Variants in MYT1L observed in about 807,000 individuals in gnomAD.
The protein encoded by MYT1L is myelin transcription factor 1-like protein.
A neutral mutation model predicts 126.7 loss-of-function variants in MYT1L; 12 were observed. That is an observed-to-expected ratio of 0.09 (90% CI 0.06 to 0.15). The LOEUF (loss-of-function observed/expected upper bound fraction) is 0.15. Among genes scored for constraint, MYT1L ranks in the 10% least tolerant of loss-of-function variants. The probability of loss-of-function intolerance (pLI) is 1.00; values close to 1 mark genes in which losing one functional copy is unlikely to be tolerated. For missense variants in MYT1L, 979 were observed against 1,585.2 expected (o/e 0.62, Z 6.49); for synonymous variants, 541 against 604.2 (o/e 0.90, Z 1.53).
intron 3 of MYT1L, among the ~76,000 whole-genome samples, chr2:2,144,889 T>C (rs190503030): frequency 1.7e-3 from 255 of 152,310 alleles, no homozygotes; most frequent in African/African-American, 5.7e-3. Flanking sequence ...TCAAAGAATA[T>C]TGCAGTGAAT....
intron 4 of MYT1L, among the ~76,000 whole-genome samples, chr2:2,001,963 C>G (rs1323454962): frequency 6.6e-6 from 1 of 152,084 alleles, no homozygotes; most frequent in Non-Finnish European, 1.5e-5. Context: ...AGGTTTTAAC[C>G]CTGCTCCACG....
At chr2:1,869,465 CTG>C (rs2046007433) in intron 18 of MYT1L, among the ~76,000 whole-genome samples, 2 of 152,254 alleles carry the variant, frequency 1.3e-5, no homozygotes, top group Admixed American at 6.5e-5. Context: ...GTGCGTGAGC[CTG>C]TGTGTGTGCC....
At chr2:2,162,929 T>C (rs1409728183) in intron 3 of MYT1L, among the ~76,000 whole-genome samples, 1 of 152,208 alleles carries the variant, frequency 6.6e-6, no homozygotes, top group Non-Finnish European at 1.5e-5. Context: ...CCTCTTGATC[T>C]GTAACCCCGT....
intron 4 of MYT1L, among the ~76,000 whole-genome samples, chr2:2,012,969 C>T (rs898789399): frequency 6.6e-6 from 1 of 151,998 alleles, no homozygotes; most frequent in African/African-American, 2.4e-5. Context: ...TAAACTTTAC[C>T]GCAAATATGT....
At chr2:1,829,669 A>G (rs74169685) in intron 21 of MYT1L, among the ~76,000 whole-genome samples, 37 of 118,264 alleles carry the variant, frequency 3.1e-4, no homozygotes, top group Admixed American at 6.3e-4. Flanking sequence ...ACCCTCCCAT[A>G]CACCTGTGAA....
At chr2:1,833,155 T>G (rs2040411639) in intron 21 of MYT1L, among the ~76,000 whole-genome samples, 1 of 152,140 alleles carries the variant, frequency 6.6e-6, no homozygotes, top group South Asian at 2.1e-4. Context: ...AAAGCCAGTG[T>G]CCCCCACAGT....
At chr2:1,956,828 C>CA (rs74164548) in intron 8 of MYT1L, among the ~76,000 whole-genome samples, 5,853 of 146,184 alleles carry the variant, frequency 0.04, 196 homozygotes, top group Non-Finnish European at 0.06. Flanking sequence ...TAGTGAAAAG[C>CA]AAAAAAAAAA....
intron 5 of MYT1L, among the ~76,000 whole-genome samples, chr2:1,989,373 G>C (rs756537410): frequency 2.4e-4 from 36 of 152,226 alleles, no homozygotes; most frequent in Non-Finnish European, 4.9e-4. Context: ...TGCATGCCAG[G>C]AGAAACCCAG....
chr2:2,126,413 T>C (rs1036973411), intron 3 of MYT1L, among the ~76,000 whole-genome samples: 2 of 152,200 alleles, frequency 1.3e-5, no homozygotes, highest in African/African-American at 2.4e-5. Context: ...AAATCCGCCA[T>C]GTGTTCACCA....
At chr2:2,190,959 A>G in intron 2 of MYT1L, among the ~76,000 whole-genome samples, 1 of 152,098 alleles carries the variant, frequency 6.6e-6, no homozygotes, top group Non-Finnish European at 1.5e-5. Flanking sequence ...GTAATTTTGT[A>G]TTTTTAGTAG....
At chr2:2,163,739 GAAA>G (rs767761122) in intron 3 of MYT1L, among the ~76,000 whole-genome samples, 23 of 117,902 alleles carry the variant, frequency 2.0e-4, no homozygotes, top group Admixed American at 1.7e-3. Context: ...CTCCGTCTCA[GAAA>G]AAAAAAAAAA....
intron 23 of MYT1L, chr2:1,800,020 A>T (rs563029195): frequency 2.0e-5 from 3 of 152,384 alleles, no homozygotes; most frequent in Non-Finnish European, 4.4e-5. Context: ...TGGAACTGTG[A>T]GTCCATTAAA....
intron 18 of MYT1L, among the ~76,000 whole-genome samples, chr2:1,857,648 T>C (rs1347122557): frequency 1.3e-5 from 2 of 151,996 alleles, no homozygotes. Flanking sequence ...TAAAACAAAA[T>C]AACAAAAATG....
intron 21 of MYT1L, among the ~76,000 whole-genome samples, chr2:1,834,523 T>G (rs1236945817): frequency 1.3e-5 from 2 of 152,204 alleles, no homozygotes; most frequent in African/African-American, 2.4e-5. Flanking sequence ...GAAGGAAGCT[T>G]GGATACGTGC....
At chr2:2,016,594 A>C (rs1208345090) in intron 4 of MYT1L, among the ~76,000 whole-genome samples, 2 of 152,234 alleles carry the variant, frequency 1.3e-5, no homozygotes, top group Admixed American at 1.3e-4. Flanking sequence ...GTGGCTGCTG[A>C]TGCATGAGGT....
intron 2 of MYT1L, among the ~76,000 whole-genome samples, chr2:2,232,960 G>C (rs1572688716): frequency 6.6e-6 from 1 of 152,144 alleles, no homozygotes; most frequent in East Asian, 1.9e-4. Flanking sequence ...TCTGTGAACA[G>C]AGGACAGCCA....
chr2:1,804,602 A>G (rs1440821768), intron 22 of MYT1L, among the ~76,000 whole-genome samples: 1 of 152,212 alleles, frequency 6.6e-6, no homozygotes, highest in Non-Finnish European at 1.5e-5. Context: ...AAATTAGCAT[A>G]GCGTGGTCCT....
chr2:1,964,408 C>T (rs574262533), intron 8 of MYT1L, among the ~76,000 whole-genome samples: 26 of 152,164 alleles, frequency 1.7e-4, no homozygotes, highest in African/African-American at 2.7e-4. Flanking sequence ...GTTAGAAAAA[C>T]GGCATTGATG....
At chr2:2,330,900 G>A (rs1226082260) in intron 1 of MYT1L, 67 bp downstream of exon 1, 1 of 152,078 alleles carries the variant, frequency 6.6e-6, no homozygotes, top group Non-Finnish European at 1.5e-5. Flanking sequence ...CTCAGCCCTT[G>A]AGCTACGGTA....
Sources: allele counts gnomAD v4.1 joint callset (sites outside exome capture counted in the v4.1 genomes callset), GRCh38; gene constraint gnomAD v4.1.1; transcripts MANE v1.5; gene names NCBI Gene and HGNC (gene_info 2026-07-23, HGNC 2026-07-21).